The following TTC39A variants were observed in gnomAD, a reference collection of about 807,000 sequenced individuals.
The protein encoded by TTC39A is tetratricopeptide repeat protein 39A.
In TTC39A, 46 loss-of-function variants were observed where a neutral mutation model predicts 82.3. The ratio of observed to expected loss-of-function variants is 0.56; its 90% CI spans 0.44 to 0.71. TTC39A has a LOEUF of 0.71. Among genes scored for constraint, TTC39A ranks in the 30% least tolerant of loss-of-function variants. TTC39A has a pLI of 0.00. For synonymous variants in TTC39A, 254 were observed against 275.2 expected (o/e 0.92, Z 0.76); for missense variants, 543 against 712.9 (o/e 0.76, Z 2.71).
chr1:51,307,000 G>A lies in TTC39A; in HGVS notation c.489-924C>T, dbSNP rs373050672. Among the ~76,000 whole-genome samples, 26 of 152,204 alleles carry A rather than the reference G, an allele frequency of 1.7e-4. No individual in the cohort carries two copies. In the East Asian group the frequency reaches 2.3e-3, roughly 14 times the overall value. On this transcript the variant is annotated intron_variant, in intron 6 of 17. Transcript: ENST00000680483. Reference sequence around the variant, plus strand: ...AGCTGAAATCTGGTACAGAAAGCCCGGTGCAGAAAGTGTTTCTGACAGAGA... The same window carrying A: ...AGCTGAAATCTGGTACAGAAAGCCCAGTGCAGAAAGTGTTTCTGACAGAGA...
At chr1:51,323,029 C>T (rs1344723089) in intron 1 of TTC39A, among the ~76,000 whole-genome samples, 2 of 152,144 alleles carry the variant, frequency 1.3e-5, no homozygotes, top group African/African-American at 2.4e-5. Flanking sequence ...TATGGGGTCT[C>T]GCCATGTTGC....
At chr1:51,333,220 C>CA (rs748559262), upstream of TTC39A, among the ~76,000 whole-genome samples, 24,097 of 80,066 alleles carry the variant, frequency 0.3, 3,639 homozygotes, top group East Asian at 0.69. Flanking sequence ...TCGCCCCCAC[C>CA]AAAAAAAAAA....
chr1:51,300,612 ACT>A (rs1473973033), intron 12 of TTC39A: 1 of 152,070 alleles, frequency 6.6e-6, no homozygotes. Flanking sequence ...TGGTTGTAAG[ACT>A]CTTGGTTCCA....
At chr1:51,322,643 C>T (rs1258918067) in intron 1 of TTC39A, among the ~76,000 whole-genome samples, 1 of 152,170 alleles carries the variant, frequency 6.6e-6, no homozygotes, top group African/African-American at 2.4e-5. Context: ...AAGCAAACCC[C>T]TGACTTTTCT....
chr1:51,322,080 G>C, intron 1 of TTC39A: 1 of 1,547,140 alleles, frequency 6.5e-7, no homozygotes, highest in Non-Finnish European at 8.7e-7. Context: ...GGGGCCAAGG[G>C]CAAGGTGCAA....
rs796219568 is a variant in TTC39A, at chr1:51,338,569, G to C, written c.53+6422C>G. 1.3e-4 allele frequency among the ~76,000 whole-genome samples: 20 copies of C among 151,170 alleles called. 1 individual carries two copies. Among genetic ancestry groups the C allele is most frequent in the African/African-American group, 4.6e-4 (19 of 41,200 alleles). On this transcript the variant is annotated intron_variant, in intron 1 of 5. Transcript: ENST00000401051. ...GAGAAGGGGAGAAGGGTGACCACCC[G>C]AGTGCAGCGCTGTCGAGTGGAGATT...
chr1:51,310,825 G>A (rs770600628), intron 5 of TTC39A, among the ~76,000 whole-genome samples: 1 of 152,214 alleles, frequency 6.6e-6, no homozygotes, highest in Non-Finnish European at 1.5e-5. Flanking sequence ...AAATGTAAAT[G>A]TTAGCAAAAA....
Position 51,340,523 on chromosome 1 carries a change from C to G in TTC39A, c.53+4468G>C, listed in dbSNP as rs539210145. The stretch of plus-strand genomic sequence containing the variant: ...AAATGCTGCCCTCCTCCCTCATCAC[C>G]GCCCCCTTTCTCCTCCCCTCCTCTC... On this transcript the variant is annotated intron_variant, in intron 1 of 5. Transcript: ENST00000401051. 1.2e-3 allele frequency among the ~76,000 whole-genome samples: 187 copies of G among 152,294 alleles called. 2 individuals are homozygous for G. Among genetic ancestry groups the G allele is most frequent in the Non-Finnish European group, 1.3e-3 (89 of 68,022 alleles).
chr1:51,302,007 A>T, intron 11 of TTC39A: 1 of 676,346 alleles, frequency 1.5e-6, no homozygotes, highest in Non-Finnish European at 2.7e-6. Context: ...GAGAGCTATA[A>T]TGGAGGGGAG....
intron 3 of TTC39A, 40 bp downstream of exon 3, chr1:51,312,772 G>A: frequency 6.2e-7 from 1 of 1,600,316 alleles, no homozygotes; most frequent in East Asian, 2.2e-5. Context: ...CAGCAGGGTG[G>A]GCCTCCCAAC....
chr1:51,314,055 A>C (rs905491110), intron 2 of TTC39A, among the ~76,000 whole-genome samples: 1 of 152,016 alleles, frequency 6.6e-6, no homozygotes, highest in Non-Finnish European at 1.5e-5. Flanking sequence ...CTTGTGTGTG[A>C]CTCATCTCTG....
intron 2 of TTC39A, among the ~76,000 whole-genome samples, chr1:51,319,849 C>T (rs955178803): frequency 6.6e-6 from 1 of 152,010 alleles, no homozygotes; most frequent in African/African-American, 2.4e-5. Flanking sequence ...CGCCACCATG[C>T]CCGGCTAATT....
chr1:51,309,362 T>G, intron 5 of TTC39A, 37 bp from the exon 6 acceptor site: 1 of 1,612,346 alleles, frequency 6.2e-7, no homozygotes, highest in Non-Finnish European at 8.5e-7. Flanking sequence ...CTGGCCCAGG[T>G]GGGCAGCTGC....
At chr1:51,330,843 C>T (rs551014850), upstream of TTC39A, 56 of 511,980 alleles carry the variant, frequency 1.1e-4, no homozygotes, top group African/African-American at 9.2e-4. The surrounding 1 kb of genome is among the most constrained non-coding windows in gnomAD (Gnocchi z 4.5). Context: ...ACCTGAGGTC[C>T]ACTTTACTGT....
In TTC39A at chr1:51,320,573, T is replaced by C. The variant is rs1223630260; in HGVS notation, c.146+1148A>G. ...CAAGTAGCTGAGACTATAGCTACTA[T>C]ATACTATAGCTGAGACTATAGGCGC... On this transcript the variant is annotated intron_variant, in intron 2 of 17. Coordinates refer to ENST00000680483, the MANE Select transcript of TTC39A (RefSeq NM_001297663.2). Among the ~76,000 whole-genome samples the C allele has an allele frequency of 2.6e-5, 4 of 151,802 alleles. 1 individual carries two copies. Among genetic ancestry groups the C allele is most frequent in the Non-Finnish European group, 5.9e-5 (4 of 67,952 alleles).
At chr1:51,316,502 G>T (rs1645291422) in intron 2 of TTC39A, among the ~76,000 whole-genome samples, 1 of 152,020 alleles carries the variant, frequency 6.6e-6, no homozygotes, top group Admixed American at 6.6e-5. Context: ...ACCTAGCTAG[G>T]AGCCCAGCTC....
chr1:51,325,254 C>CA (rs113824158), intron 1 of TTC39A, among the ~76,000 whole-genome samples: 2,511 of 110,480 alleles, frequency 0.023, 25 homozygotes, highest in South Asian at 0.063. Context: ...AATTCCATCT[C>CA]AAAAAAAAAA....
intron 6 of TTC39A, 36 bp from the exon 7 acceptor site, chr1:51,306,112 C>T (rs779341046): frequency 8.3e-7 from 1 of 1,208,226 alleles, no homozygotes; most frequent in East Asian, 2.4e-5. Flanking sequence ...TCAGCCACTG[C>T]TGGGGGTGGG....
At chr1:51,292,813 A>C (rs185031443) in intron 14 of TTC39A, among the ~76,000 whole-genome samples, 1 of 152,340 alleles carries the variant, frequency 6.6e-6, no homozygotes, top group African/African-American at 2.4e-5. Context: ...TGGCCAAATA[A>C]GTTAGAGAAA....
Sources: allele counts gnomAD v4.1 joint callset (sites outside exome capture counted in the v4.1 genomes callset), GRCh38; gene constraint gnomAD v4.1.1; non-coding constraint Gnocchi (gnomAD v3.1); transcripts MANE v1.5; gene names NCBI Gene and HGNC (gene_info 2026-07-23, HGNC 2026-07-21).